Variants in ALDOA observed in about 807,000 individuals in gnomAD.
ALDOA encodes the protein fructose-bisphosphate aldolase A.
A neutral mutation model predicts 43.9 loss-of-function variants in ALDOA; 26 were observed. The observed-to-expected ratio is 0.59, with a 90% CI of 0.43 to 0.82. The LOEUF is 0.82. ALDOA is among the 40% of genes least tolerant of loss of function. ALDOA has a pLI of 0.00. For synonymous variants in ALDOA, 258 were observed against 222.6 expected (o/e 1.16, Z -1.42); for missense variants, 498 against 549.5 (o/e 0.91, Z 0.94).
intron 2 of ALDOA, 69 bp downstream of exon 2, chr16:30,067,107 G>A (rs1458894915): frequency 7.0e-6 from 11 of 1,569,548 alleles, no homozygotes; most frequent in Non-Finnish European, 9.5e-6. Flanking sequence ...GTGCCCCAGG[G>A]CCTGCTGGGT....
chr16:30,066,770 G>A (rs1036811409), intron 1 of ALDOA, 115 bp from the exon 2 acceptor site: 8 of 1,209,160 alleles, frequency 6.6e-6, no homozygotes, highest in Non-Finnish European at 6.8e-6. Flanking sequence ...GTTGCTGTGT[G>A]GCTTGAAGCA....
chr16:30,068,166 G>A (rs1009292016), intron 4 of ALDOA: 4 of 275,274 alleles, frequency 1.5e-5, no homozygotes, highest in East Asian at 9.8e-5. Flanking sequence ...CCAGGTTCAC[G>A]CCATTCTCCT....
chr16:30,068,454 C>G (rs906271713), intron 4 of ALDOA, 192 bp from the exon 5 acceptor site: 2 of 679,846 alleles, frequency 2.9e-6, no homozygotes, highest in Non-Finnish European at 5.4e-6. Context: ...TGGGGGAAGA[C>G]TGGGGCTAAA....
upstream of ALDOA, chr16:30,064,511 T>C: frequency 2.5e-6 from 1 of 398,584 alleles, no homozygotes; most frequent in Middle Eastern, 6.3e-4. Context: ...CACCGGTGAG[T>C]GGGCAGGGGC....
At chr16:30,066,792 CAT>C (rs1373357609) in intron 1 of ALDOA, 91 bp from the exon 2 acceptor site, 45 of 1,393,982 alleles carry the variant, frequency 3.2e-5, no homozygotes, top group Non-Finnish European at 4.3e-5. Context: ...AGACCTTTCC[CAT>C]ATCTGGGCCC....
Position 30,069,827 on chromosome 16 carries a change from C to T in ALDOA, c.962-3C>T. 6.2e-7 allele frequency: 1 copy of T among 1,614,126 alleles called. No homozygotes were observed. The highest frequency in any genetic ancestry group is 8.5e-7 in the Non-Finnish European group (1 of 1,180,026). On this transcript the variant is annotated splice_region_variant and splice_polypyrimidine_tract_variant and intron_variant, in intron 8 of 9. Transcript: ENST00000642816. ...CCCCTCTCGCCTCACCCCTGCTCTA[C>T]AGGGATCACCTTCCTGTCTGGAGGC... is the stretch of plus-strand genomic sequence containing the variant.
rs558565333 is a variant in ALDOA, at chr16:30,070,314, C to G, written c.*102C>G. ...GGGGCTCCAGGCTGGCTTGCCCGCG[C>G]TCTTTCTTCCCTCGTGACAGTGGTG... is the stretch of plus-strand genomic sequence containing the variant. On this transcript the variant is annotated 3_prime_UTR_variant, in exon 10 of 10. Coordinates refer to ENST00000642816, the MANE Select transcript of ALDOA (RefSeq NM_001243177.4). 15 of 1,099,424 alleles carry G rather than the reference C, an allele frequency of 1.4e-5. No homozygotes were observed. The South Asian group carries it at 1.9e-4, about 14-fold the overall frequency. The allele number at this position is 1,099,424 out of a possible 1,614,324, so 68.1% of individuals were successfully genotyped here.
rs11135 is a variant in ALDOA, at chr16:30,070,224, C to T, written c.*12C>T. 1.2e-6 allele frequency: 2 copies of T among 1,613,638 alleles called. No individual in the cohort carries two copies. Among genetic ancestry groups the T allele is most frequent in the Non-Finnish European group, 1.7e-6 (2 of 1,179,654 alleles). ...ACCACGCCTATTAAGCGGAGGTGTT[C>T]CCAGGCTGCCCCCAACACTCCAGGC... is the stretch of plus-strand genomic sequence containing the variant. On this transcript the variant is annotated 3_prime_UTR_variant, in exon 10 of 10. Coordinates refer to ENST00000642816, the MANE Select transcript of ALDOA (RefSeq NM_001243177.4).
In ALDOA at chr16:30,067,577, C is replaced by G. The variant is rs1473695549; in HGVS notation, c.402C>G (p.Phe134Leu). Reference protein sequence around the residue: ...VNPCIGGVILFHETLYQKADD... With the variant: ...VNPCIGGVILLHETLYQKADD... ...CCTGCATTGGGGGTGTCATCCTCTT[C>G]CATGAGACACTCTACCAGAAGGCGG... Residue 134 changes from phenylalanine to leucine, a missense_variant, in exon 4 of 10, where the codon TTC (phenylalanine) becomes TTG (leucine). Phe to Leu is a conservative substitution (Grantham distance 22, BLOSUM62 0). Coordinates refer to ENST00000642816, the MANE Select transcript of ALDOA (RefSeq NM_001243177.4). The G allele has an allele frequency of 6.2e-7, 1 of 1,614,054 alleles. No homozygotes were observed.
At chr16:30,069,217 A>G in intron 6 of ALDOA, 89 bp from the exon 7 acceptor site, 1 of 1,487,598 alleles carries the variant, frequency 6.7e-7, no homozygotes, top group Non-Finnish European at 9.4e-7. Context: ...GGCATCATCA[A>G]GATACGGTCT....
chr16:30,067,260 C>G lies in ALDOA; in HGVS notation c.168C>G (p.Pro56=), dbSNP rs541579725. Residue 56 remains proline, a synonymous_variant, in exon 3 of 10, where the codon CCC becomes CCG. Coordinates refer to ENST00000642816, the MANE Select transcript of ALDOA (RefSeq NM_001243177.4). ...GKELATTSTM[P]YQYPALTPEQ... is the part of the protein sequence containing the mutation. ...AACTTGCTACTACCAGCACCATGCC[C>G]TACCAATATCCAGCACTGACCCCGG... The G allele has an allele frequency of 5.0e-6, 8 of 1,612,370 alleles. No individual in the cohort carries two copies. The highest frequency in any genetic ancestry group is 6.8e-6 in the Non-Finnish European group (8 of 1,180,018).
chr16:30,068,698 A>G lies in ALDOA; in HGVS notation c.539A>G (p.Gln180Arg). 6.2e-7 allele frequency: 1 copy of G among 1,614,226 alleles called. No individual in the cohort carries two copies. Among genetic ancestry groups the G allele is most frequent in the Non-Finnish European group, 8.5e-7 (1 of 1,180,042 alleles). ...GGGACAAATGGCGAGACTACCACCC[A>G]AGGTGAGAACTGTTTGATTCTCTGC... ...LAGTNGETTT[Q>R]GLDGLSERCA... The change falls in exon 5 of 10, where the codon CAA becomes CGA. Residue 180 changes from glutamine (Q) to arginine (R), a missense_variant and splice_region_variant. Gln to Arg is a conservative substitution (Grantham distance 43). Coordinates refer to ENST00000642816, the MANE Select transcript of ALDOA (RefSeq NM_001243177.4).
In ALDOA at chr16:30,070,204, G is replaced by A. The variant is rs756789043; in HGVS notation, c.1249G>A (p.Ala417Thr). ...CGAGTCCCTCTTCGTCTCTAACCAC[G>A]CCTATTAAGCGGAGGTGTTCCCAGG... ...ASESLFVSNH[A>T]Y The change falls in exon 10 of 10, where the codon GCC becomes ACC. Residue 417 changes from alanine (A) to threonine (T), a missense_variant. Ala to Thr is a moderately conservative substitution (Grantham distance 58, BLOSUM62 0). Coordinates refer to ENST00000642816, the MANE Select transcript of ALDOA (RefSeq NM_001243177.4). 9.3e-6 allele frequency: 15 copies of A among 1,613,952 alleles called. No individual in the cohort carries two copies. The highest frequency in any genetic ancestry group is 3.3e-5 in the South Asian group (3 of 91,088).
At chr16:30,065,063 G>T (rs1460561224), upstream of ALDOA, among the ~76,000 whole-genome samples, 3 of 152,252 alleles carry the variant, frequency 2.0e-5, no homozygotes, top group Non-Finnish European at 4.4e-5. Context: ...AGGACTACCA[G>T]CCTGGCTGCG....
At chr16:30,065,506 C>A (rs2072066022), upstream of ALDOA, among the ~76,000 whole-genome samples, 2 of 152,208 alleles carry the variant, frequency 1.3e-5, no homozygotes, top group African/African-American at 2.4e-5. Flanking sequence ...GCGCGCCAGG[C>A]TGGGGGAAAG....
In ALDOA at chr16:30,067,662, G is replaced by GT; in HGVS notation, c.486+2dup. ...CAAGGGCGGTGTTGTGGGCATCAAGGTAAGGGGAGGGCCTCCGGACGTGAG... is the reference window on the plus strand; with the variant it reads ...CAAGGGCGGTGTTGTGGGCATCAAGGTTAAGGGGAGGGCCTCCGGACGTGAG... On this transcript the variant is annotated splice_donor_variant, in intron 4 of 9. Coordinates refer to ENST00000642816, the MANE Select transcript of ALDOA (RefSeq NM_001243177.4). LOFTEE classifies it high-confidence loss of function. The GT allele has an allele frequency of 6.2e-7, 1 of 1,614,146 alleles. No homozygotes were observed. Among genetic ancestry groups the GT allele is most frequent in the Non-Finnish European group, 8.5e-7 (1 of 1,180,034 alleles).
chr16:30,070,247 G>A lies in ALDOA; in HGVS notation c.*35G>A. Reference sequence around the variant, plus strand: ...TTCCCAGGCTGCCCCCAACACTCCAGGCCCTGCCCCCTCCCACTCTTGAAG... The same window carrying A: ...TTCCCAGGCTGCCCCCAACACTCCAAGCCCTGCCCCCTCCCACTCTTGAAG... On this transcript the variant is annotated 3_prime_UTR_variant, in exon 10 of 10. Coordinates refer to ENST00000642816, the MANE Select transcript of ALDOA (RefSeq NM_001243177.4). 1 of 1,605,902 alleles carries A rather than the reference G, an allele frequency of 6.2e-7. No homozygotes were observed. The highest frequency in any genetic ancestry group is 1.3e-5 in the African/African-American group (1 of 74,880).
chr16:30,069,530 A>T lies in ALDOA; in HGVS notation c.818A>T (p.Asp273Val). ...GCTGCTGTCTACAAGGCTCTGAGTG[A>T]CCACCACATCTACCTGGAAGGCACC... ...VLAAVYKALS[D>V]HHIYLEGTLL... is the part of the protein sequence containing the mutation. The change falls in exon 8 of 10, where the codon GAC becomes GTC. Residue 273 changes from aspartate to valine, a missense_variant. Transcript: ENST00000642816. 1 of 1,614,020 alleles carries T rather than the reference A, an allele frequency of 6.2e-7. No individual in the cohort carries two copies. Among genetic ancestry groups the T allele is most frequent in the Non-Finnish European group, 8.5e-7 (1 of 1,180,000 alleles).
At position 30,068,964 on chromosome 16, in the gene ALDOA, A is replaced by C; in HGVS notation, c.688A>C (p.Ser230Arg). The C allele has an allele frequency of 6.2e-7, 1 of 1,614,246 alleles. No individual in the cohort carries two copies. The highest frequency in any genetic ancestry group is 8.5e-7 in the Non-Finnish European group (1 of 1,180,042). Residue 230 changes from serine (S) to arginine (R), a missense_variant, in exon 6 of 10, where the codon AGT becomes CGT. Coordinates refer to ENST00000642816, the MANE Select transcript of ALDOA (RefSeq NM_001243177.4). ...TGCCAATGTTCTGGCCCGTTATGCCAGTATCTGCCAGCAGGTGGGCCTGCA... is the reference window on the plus strand; with the variant it reads ...TGCCAATGTTCTGGCCCGTTATGCCCGTATCTGCCAGCAGGTGGGCCTGCA... ...ENANVLARYA[S>R]ICQQNGIVPI...
Sources: allele counts gnomAD v4.1 joint callset (sites outside exome capture counted in the v4.1 genomes callset), GRCh38; gene constraint gnomAD v4.1.1; transcripts MANE v1.5; gene names NCBI Gene and HGNC (gene_info 2026-07-23, HGNC 2026-07-21).